The following MREG variants were observed in gnomAD, a reference collection of about 807,000 sequenced individuals.
The protein encoded by MREG is melanoregulin.
MREG carries 31 observed loss-of-function variants against 28.5 expected under a neutral mutation model. The ratio of observed to expected loss-of-function variants is 1.09; its 90% CI spans 0.82 to 1.47. The LOEUF is 1.47. Among genes scored for constraint, MREG ranks in the 40% most tolerant of loss-of-function variants. The pLI, the probability that MREG is intolerant of heterozygous loss-of-function variation, is 0.00. For missense variants in MREG, 256 were observed against 257.4 expected (o/e 0.99, Z 0.04); for synonymous variants, 106 against 95.2 (o/e 1.11, Z -0.66).
chr2:215,970,132 G>A (rs1005420723), intron 2 of MREG, among the ~76,000 whole-genome samples: 8 of 152,122 alleles, frequency 5.3e-5, no homozygotes, highest in African/African-American at 1.2e-4. Flanking sequence ...AGAAGTAATC[G>A]AGTTAAAATG....
At chr2:216,028,606 A>G (rs116342364) in intron 1 of MREG, among the ~76,000 whole-genome samples, 2,013 of 151,126 alleles carry the variant, frequency 0.013, 35 homozygotes, top group African/African-American at 0.045. Context: ...TGATATTTCT[A>G]GGCAGGATTT....
intron 1 of MREG, among the ~76,000 whole-genome samples, chr2:216,010,007 C>G (rs1178747309): frequency 1.3e-5 from 2 of 152,192 alleles, no homozygotes; most frequent in African/African-American, 4.8e-5. Flanking sequence ...AATCCCCAGT[C>G]ACTATAATTA....
intron 1 of MREG, among the ~76,000 whole-genome samples, chr2:216,012,049 T>C (rs1169129129): frequency 6.6e-6 from 1 of 152,246 alleles, no homozygotes; most frequent in Non-Finnish European, 1.5e-5. Context: ...CATGTTTATA[T>C]ACATGTGTGC....
upstream of MREG, among the ~76,000 whole-genome samples, chr2:216,014,706 T>C (rs1219097525): frequency 6.6e-6 from 1 of 152,142 alleles, no homozygotes; most frequent in African/African-American, 2.4e-5. Context: ...GTTTGGCAGT[T>C]GAATTGCTGG....
upstream of MREG, among the ~76,000 whole-genome samples, chr2:216,015,017 A>G (rs1321763542): frequency 6.6e-6 from 1 of 152,146 alleles, no homozygotes; most frequent in Non-Finnish European, 1.5e-5. Context: ...GAAGTCAGAC[A>G]AAGTATTATT....
chr2:216,019,740 C>T (rs371872637), intron 1 of MREG, among the ~76,000 whole-genome samples: 40 of 152,214 alleles, frequency 2.6e-4, no homozygotes, highest in African/African-American at 8.2e-4. Context: ...CTCCTGACCA[C>T]GTGATCAGCC....
At chr2:215,949,634 T>C (rs1208462870) in intron 2 of MREG, among the ~76,000 whole-genome samples, 1 of 152,146 alleles carries the variant, frequency 6.6e-6, no homozygotes, top group African/African-American at 2.4e-5. Context: ...TACATTACAT[T>C]ATGCAGTATG....
rs1693874497 is a variant in MREG, at chr2:215,996,376, G to A, written c.185C>T (p.Thr62Ile). The change falls in exon 2 of 5, where the codon ACA becomes ATA. Residue 62 changes from threonine (T) to isoleucine (I), a missense_variant. Thr to Ile is a moderately conservative substitution (Grantham distance 89). Coordinates refer to ENST00000263268, the MANE Select transcript of MREG (RefSeq NM_018000.3). ...LWSMPHDVSH[T>I]EADDDRTLYN... ...CAGGGTTCTGTCGTCGTCTGCCTCT[G>A]TGTGGGACACATCATGGGGCATACT... 6.2e-7 allele frequency: 1 copy of A among 1,613,980 alleles called. No individual in the cohort carries two copies. The highest frequency in any genetic ancestry group is 8.5e-7 in the Non-Finnish European group (1 of 1,179,872).
rs1559171591 is a variant in MREG at position 215,944,090 on chromosome 2, CT to C, written c.*772del. Reference sequence around the variant, plus strand: ...CACTGCCCGGGCTCAAGCGATTCTCCTACCTCAGCCTCCTGGGTAGCTGGGA... The same window carrying C: ...CACTGCCCGGGCTCAAGCGATTCTCCACCTCAGCCTCCTGGGTAGCTGGGA... On this transcript the variant is annotated 3_prime_UTR_variant, in exon 5 of 5. Transcript: ENST00000263268. 6.7e-6 allele frequency: 1 copy of C among 148,706 alleles called. No individual in the cohort carries two copies. Among genetic ancestry groups the C allele is most frequent in the Non-Finnish European group, 1.5e-5 (1 of 67,628 alleles). 9.2% of individuals were successfully genotyped at this position (148,706 alleles called of 1,614,324 possible).
At chr2:215,990,197 C>G (rs1693685986) in intron 2 of MREG, among the ~76,000 whole-genome samples, 1 of 152,232 alleles carries the variant, frequency 6.6e-6, no homozygotes. Flanking sequence ...CAGCGGATCT[C>G]TCTGCAGAAA....
At chr2:215,956,545 G>A (rs985718592) in intron 2 of MREG, among the ~76,000 whole-genome samples, 1 of 152,018 alleles carries the variant, frequency 6.6e-6, no homozygotes, top group Non-Finnish European at 1.5e-5. Context: ...GGTGTTGTTT[G>A]TTGTTGTTTT....
intron 2 of MREG, among the ~76,000 whole-genome samples, chr2:215,989,874 C>T (rs944362601): frequency 7.9e-5 from 12 of 151,946 alleles, no homozygotes; most frequent in Admixed American, 4.6e-4. Flanking sequence ...TAAAGAAAAC[C>T]TCCAAGAAAT....
intron 2 of MREG, among the ~76,000 whole-genome samples, chr2:215,949,381 G>A (rs1692424984): frequency 6.6e-6 from 1 of 151,522 alleles, no homozygotes; most frequent in Non-Finnish European, 1.5e-5. Context: ...TCACTACGGT[G>A]AAACCCCGTC....
rs149542317 is a variant in MREG at position 215,966,342 on chromosome 2, T to C, written c.256-19229A>G. ...CTTCCATAGCTTGATTTCTACTTTC[T>C]AATTTTTCCATATTTTTCATGACCT... On this transcript the variant is annotated intron_variant, in intron 2 of 4. Coordinates refer to ENST00000263268, the MANE Select transcript of MREG (RefSeq NM_018000.3). Among the ~76,000 whole-genome samples, 440 of 152,326 alleles carry C rather than the reference T, an allele frequency of 2.9e-3. 2 individuals are homozygous for C. The highest frequency in any genetic ancestry group is 0.01 in the African/African-American group (418 of 41,576).
intron 2 of MREG, among the ~76,000 whole-genome samples, chr2:215,951,826 G>A (rs1692495593): frequency 6.6e-6 from 1 of 152,182 alleles, no homozygotes; most frequent in South Asian, 2.1e-4. Context: ...ATCCCCGGGA[G>A]CTGACCTTGA....
At chr2:216,017,721 T>C (rs1694468242), upstream of MREG, among the ~76,000 whole-genome samples, 1 of 152,126 alleles carries the variant, frequency 6.6e-6, no homozygotes, top group Admixed American at 6.5e-5. Flanking sequence ...GATTTCCCCA[T>C]AGCAGGGGAA....
chr2:215,962,314 T>G (rs965572969), intron 2 of MREG, among the ~76,000 whole-genome samples: 1 of 152,196 alleles, frequency 6.6e-6, no homozygotes, highest in Admixed American at 6.5e-5. Context: ...GAGCTAGTTT[T>G]GTTTAATTTG....
Position 215,972,185 on chromosome 2 carries a change from G to A in MREG, c.255+24121C>T, listed in dbSNP as rs141613223. ...CCTCTGGCAGTATTTCTCAGATGATGAGGCTGCTCCAACTCCAACGTGGGA... is the reference window on the plus strand; with the variant it reads ...CCTCTGGCAGTATTTCTCAGATGATAAGGCTGCTCCAACTCCAACGTGGGA... On this transcript the variant is annotated intron_variant, in intron 2 of 4. Coordinates refer to ENST00000263268, the MANE Select transcript of MREG (RefSeq NM_018000.3). 3.6e-3 allele frequency among the ~76,000 whole-genome samples: 545 copies of A among 152,316 alleles called. 1 individual carries two copies. Among genetic ancestry groups the A allele is most frequent in the Non-Finnish European group, 5.5e-3 (372 of 68,020 alleles).
intron 2 of MREG, among the ~76,000 whole-genome samples, chr2:215,994,270 G>C (rs1180465811): frequency 6.6e-6 from 1 of 151,886 alleles, no homozygotes; most frequent in East Asian, 1.9e-4. Context: ...CAGGGACATG[G>C]ATGAAGCTGA....
Sources: allele counts gnomAD v4.1 joint callset (sites outside exome capture counted in the v4.1 genomes callset), GRCh38; gene constraint gnomAD v4.1.1; transcripts MANE v1.5; gene names NCBI Gene and HGNC (gene_info 2026-07-23, HGNC 2026-07-21).